Variants in MGAT4C observed in about 807,000 individuals in gnomAD.
The protein encoded by MGAT4C is alpha-1,3-mannosyl-glycoprotein 4-beta-N-acetylglucosaminyltransferase C.
Under a neutral mutation model 40.1 loss-of-function variants are expected in MGAT4C, and 19 were observed. The observed-to-expected ratio is 0.47, with a 90% CI of 0.33 to 0.70. MGAT4C has a LOEUF of 0.70. Ranked by LOEUF, MGAT4C falls within the 30% of genes least tolerant of loss-of-function variation. The pLI, the probability that MGAT4C is intolerant of heterozygous loss-of-function variation, is 0.02. For missense variants in MGAT4C, 491 were observed against 563.2 expected (o/e 0.87, Z 1.30); for synonymous variants, 181 against 187.1 (o/e 0.97, Z 0.27).
At chr12:86,318,812 T>A (rs1182881228) in intron 4 of MGAT4C, among the ~76,000 whole-genome samples, 1 of 152,208 alleles carries the variant, frequency 6.6e-6, no homozygotes, top group Admixed American at 6.5e-5. Flanking sequence ...TTATTTAGGA[T>A]CATCCCAGGT....
intron 2 of MGAT4C, among the ~76,000 whole-genome samples, chr12:86,574,389 T>A (rs1472797902): frequency 6.6e-6 from 1 of 151,838 alleles, no homozygotes; most frequent in Non-Finnish European, 1.5e-5. Context: ...ACATCACAGA[T>A]ACTCAATAGT....
intron 3 of MGAT4C, 118 bp from the exon 4 acceptor site, chr12:85,983,788 T>C (rs929300142): frequency 1.9e-5 from 15 of 795,086 alleles, no homozygotes; most frequent in Middle Eastern, 4.0e-4. Flanking sequence ...CAGGGTTATA[T>C]AAATCTCAAC....
chr12:86,689,151 T>C (rs1056720666), intron 2 of MGAT4C, among the ~76,000 whole-genome samples: 1 of 152,250 alleles, frequency 6.6e-6, no homozygotes, highest in African/African-American at 2.4e-5. Context: ...GATACCTGTG[T>C]ATACTTCACG....
At chr12:86,390,261 A>G (rs920182097) in intron 3 of MGAT4C, among the ~76,000 whole-genome samples, 2 of 152,254 alleles carry the variant, frequency 1.3e-5, no homozygotes, top group Non-Finnish European at 2.9e-5. Context: ...TGTATAAATC[A>G]TAAATACACA....
intron 3 of MGAT4C, among the ~76,000 whole-genome samples, chr12:86,400,671 TG>T (rs1398807795): frequency 6.6e-6 from 1 of 152,214 alleles, no homozygotes; most frequent in Non-Finnish European, 1.5e-5. Context: ...CACTTTTTTG[TG>T]TTTTCTGTAT....
At chr12:86,565,050 GAC>G (rs1024656758) in intron 2 of MGAT4C, among the ~76,000 whole-genome samples, 14 of 152,150 alleles carry the variant, frequency 9.2e-5, no homozygotes, top group Non-Finnish European at 1.8e-4. Flanking sequence ...CTTCTTGAGA[GAC>G]AGCTCTTGGC....
chr12:86,184,063 A>C (rs1364199067), intron 1 of MGAT4C, among the ~76,000 whole-genome samples: 1 of 152,132 alleles, frequency 6.6e-6, no homozygotes, highest in Non-Finnish European at 1.5e-5. Flanking sequence ...ACAAATGTGA[A>C]TTCTCCTCTT....
chr12:86,571,925 A>C (rs1960385482), intron 2 of MGAT4C, among the ~76,000 whole-genome samples: 1 of 152,148 alleles, frequency 6.6e-6, no homozygotes, highest in Admixed American at 6.6e-5. Flanking sequence ...CATTTAAAAT[A>C]ACTCACTTCA....
chr12:86,379,945 A>C (rs1015563181), intron 3 of MGAT4C, among the ~76,000 whole-genome samples: 11 of 152,132 alleles, frequency 7.2e-5, no homozygotes, highest in Non-Finnish European at 1.5e-4. Context: ...GTGGGGATTC[A>C]TAAGTGGGTG....
At chr12:86,828,154 A>T (rs1952843998) in intron 1 of MGAT4C, among the ~76,000 whole-genome samples, 1 of 151,186 alleles carries the variant, frequency 6.6e-6, no homozygotes, top group Non-Finnish European at 1.5e-5. Flanking sequence ...TATGAATAAA[A>T]TATTATGGTA....
At chr12:86,551,207 C>T (rs567594587) in intron 2 of MGAT4C, among the ~76,000 whole-genome samples, 1 of 152,266 alleles carries the variant, frequency 6.6e-6, no homozygotes, top group African/African-American at 2.4e-5. Flanking sequence ...TAAGAAACAA[C>T]CCTTTAAGGT....
chr12:86,158,431 T>G (rs1885219712), intron 1 of MGAT4C, among the ~76,000 whole-genome samples: 1 of 152,196 alleles, frequency 6.6e-6, no homozygotes, highest in Admixed American at 6.5e-5. Flanking sequence ...AGGCATAAAA[T>G]ATTGAAATAT....
intron 3 of MGAT4C, among the ~76,000 whole-genome samples, chr12:86,354,923 T>C (rs1251922466): frequency 6.6e-6 from 1 of 152,162 alleles, no homozygotes; most frequent in Non-Finnish European, 1.5e-5. Flanking sequence ...AAGAACAAAG[T>C]TTCCACAGCA....
At chr12:86,750,566 A>T (rs113220784) in intron 1 of MGAT4C, among the ~76,000 whole-genome samples, 1 of 152,044 alleles carries the variant, frequency 6.6e-6, no homozygotes, top group Admixed American at 6.6e-5. Context: ...AAGATCCCAG[A>T]TAACAATTCA....
At chr12:86,085,658 T>C (rs2135554279) in intron 1 of MGAT4C, among the ~76,000 whole-genome samples, 1 of 152,048 alleles carries the variant, frequency 6.6e-6, no homozygotes, top group South Asian at 2.1e-4. Context: ...AGAGGTAATA[T>C]CCAGAATCTA....
intron 3 of MGAT4C, among the ~76,000 whole-genome samples, chr12:86,387,734 A>C (rs1391913134): frequency 6.6e-6 from 1 of 152,148 alleles, no homozygotes; most frequent in African/African-American, 2.4e-5. Context: ...CTGTAGCCCT[A>C]AAGATTATAG....
chr12:86,190,944 T>C (rs1593189192), intron 1 of MGAT4C, among the ~76,000 whole-genome samples: 1 of 152,158 alleles, frequency 6.6e-6, no homozygotes, highest in East Asian at 1.9e-4. Context: ...TAGAAATCAT[T>C]TCCCAGTTTC....
At position 86,590,980 on chromosome 12, in the gene MGAT4C, A is replaced by C. The variant is rs548894019; in HGVS notation, c.-229+136229T>G. Among the ~76,000 whole-genome samples the C allele has an allele frequency of 7.2e-5, 11 of 152,158 alleles. No individual in the cohort carries two copies. The South Asian group carries it at 2.1e-3, about 29-fold the overall frequency. ...TGGCCAATCAAGTAAAATATGGTGC[A>C]TATTTTAACTTTATATCTATTTCTT... is the stretch of plus-strand genomic sequence containing the variant. On this transcript the variant is annotated intron_variant, in intron 2 of 7. Coordinates refer to the MGAT4C transcript ENST00000548651.
intron 2 of MGAT4C, among the ~76,000 whole-genome samples, chr12:86,555,181 C>A (rs752263683): frequency 6.6e-6 from 1 of 151,438 alleles, no homozygotes; most frequent in Non-Finnish European, 1.5e-5. Context: ...TGCAAAGTAC[C>A]TTTTGGTATT....
Sources: allele counts gnomAD v4.1 joint callset (sites outside exome capture counted in the v4.1 genomes callset), GRCh38; gene constraint gnomAD v4.1.1; transcripts MANE v1.5; gene names NCBI Gene and HGNC (gene_info 2026-07-23, HGNC 2026-07-21).